The following LPAR3 variants were observed in gnomAD, a reference collection of about 807,000 sequenced individuals.
The protein encoded by LPAR3 is lysophosphatidic acid receptor 3.
Under a neutral mutation model 17.8 loss-of-function variants are expected in LPAR3, and 7 were observed. That is an observed-to-expected ratio of 0.39 (90% confidence interval 0.22 to 0.74). LPAR3 has a LOEUF of 0.74. Among genes scored for constraint, LPAR3 ranks in the 30% least tolerant of loss-of-function variants. LPAR3 has a pLI of 0.40. For missense variants in LPAR3, 391 were observed against 453.4 expected, an observed-to-expected ratio of 0.86 and a Z score of 1.25; for synonymous variants, 179 against 179.9, an observed-to-expected ratio of 0.99 and a Z score of 0.04.
intron 1 of LPAR3, among the ~76,000 whole-genome samples, chr1:84,870,422 A>G (rs1397362001): frequency 6.6e-6 from 1 of 152,234 alleles, no homozygotes. Flanking sequence ...TGAATGAATG[A>G]ATCTCTGTCT....
At chr1:84,883,565 C>G (rs2102773442) in intron 1 of LPAR3, among the ~76,000 whole-genome samples, 1 of 152,328 alleles carries the variant, frequency 6.6e-6, no homozygotes, top group East Asian at 1.9e-4. Flanking sequence ...CACTGATATA[C>G]TAGTGAACAA....
Position 84,813,158 on chromosome 1 carries a change from T to TATATATATAG in LPAR3, c.*687_*688insCTATATATAT, listed in dbSNP as rs1206774677. ...ATATATATATATATATATATATATA[T>TATATATATAG]AGACACACACACACACACACACACA... On this transcript the variant is annotated 3_prime_UTR_variant, in exon 3 of 3. Coordinates refer to ENST00000370611, the MANE Select transcript of LPAR3 (RefSeq NM_012152.3). 1 of 101,682 alleles carries TATATATATAG rather than the reference T, an allele frequency of 9.8e-6. No individual in the cohort carries two copies. Among genetic ancestry groups the TATATATATAG allele is most frequent in the African/African-American group, 3.7e-5 (1 of 27,156 alleles). 6.3% of individuals were successfully genotyped at this position (101,682 alleles called of 1,614,324 possible).
At chr1:84,840,540 A>G (rs1462076570) in intron 2 of LPAR3, among the ~76,000 whole-genome samples, 1 of 152,254 alleles carries the variant, frequency 6.6e-6, no homozygotes, top group Non-Finnish European at 1.5e-5. Context: ...TATCAGTCAG[A>G]GCCCACTTAC....
chr1:84,880,779 C>T (rs1660350607), intron 1 of LPAR3, among the ~76,000 whole-genome samples: 1 of 152,182 alleles, frequency 6.6e-6, no homozygotes, highest in African/African-American at 2.4e-5. Flanking sequence ...CGTTCATTCT[C>T]CCCCAAGGAG....
Position 84,866,150 on chromosome 1 carries a change from T to C in LPAR3, c.-18-12A>G. On this transcript the variant is annotated splice_polypyrimidine_tract_variant and intron_variant, in intron 1 of 2. Coordinates refer to ENST00000370611, the MANE Select transcript of LPAR3 (RefSeq NM_012152.3). ...GAGAAGTGAACATCCTAGAAAGAAATTTAAAGAAGAAACAAATATCATTTG... is the reference window on the plus strand; with the variant it reads ...GAGAAGTGAACATCCTAGAAAGAAACTTAAAGAAGAAACAAATATCATTTG... 6.5e-7 allele frequency: 1 copy of C among 1,532,274 alleles called. No individual in the cohort carries two copies. The highest frequency in any genetic ancestry group is 8.8e-7 in the Non-Finnish European group (1 of 1,140,156). The allele number at this position is 1,532,274 out of a possible 1,614,324, so 94.9% of individuals were successfully genotyped here.
chr1:84,866,845 T>C (rs1660060279), intron 1 of LPAR3, among the ~76,000 whole-genome samples: 1 of 152,186 alleles, frequency 6.6e-6, no homozygotes, highest in Admixed American at 6.5e-5. Flanking sequence ...ATATCTCCCT[T>C]CCTTACCTTT....
intron 2 of LPAR3, among the ~76,000 whole-genome samples, chr1:84,847,589 T>G (rs12088935): frequency 6.6e-6 from 1 of 152,178 alleles, no homozygotes; most frequent in African/African-American, 2.4e-5. Flanking sequence ...AAGACCCCCC[T>G]GTCCTCAGCT....
intron 1 of LPAR3, among the ~76,000 whole-genome samples, chr1:84,876,251 C>G (rs913800965): frequency 6.6e-6 from 1 of 152,078 alleles, no homozygotes; most frequent in Admixed American, 6.5e-5. Context: ...GTAGCCAGGT[C>G]GTGTAAATGA....
intron 2 of LPAR3, among the ~76,000 whole-genome samples, chr1:84,839,539 T>C (rs924446791): frequency 6.6e-6 from 1 of 152,122 alleles, no homozygotes; most frequent in African/African-American, 2.4e-5. Flanking sequence ...TTGGGCATGG[T>C]GCACATCTGT....
At chr1:84,852,028 C>T (rs1659723589) in intron 2 of LPAR3, among the ~76,000 whole-genome samples, 1 of 151,280 alleles carries the variant, frequency 6.6e-6, no homozygotes, top group Non-Finnish European at 1.5e-5. Context: ...TCTGAGACAC[C>T]ACTGAAGTAG....
At chr1:84,878,693 C>T (rs1031227637) in intron 1 of LPAR3, among the ~76,000 whole-genome samples, 2 of 152,180 alleles carry the variant, frequency 1.3e-5, no homozygotes, top group African/African-American at 4.8e-5. Flanking sequence ...AAAGTTTCAA[C>T]TTTAAACACC....
chr1:84,868,864 A>G (rs1011564290), intron 1 of LPAR3, among the ~76,000 whole-genome samples: 4 of 152,196 alleles, frequency 2.6e-5, no homozygotes. Context: ...TTAATTACCT[A>G]AAGTATTTTT....
At chr1:84,820,799 A>T (rs981093347) in intron 2 of LPAR3, among the ~76,000 whole-genome samples, 1 of 152,190 alleles carries the variant, frequency 6.6e-6, no homozygotes, top group Non-Finnish European at 1.5e-5. Context: ...CCTTGAAAAG[A>T]TTAAGAAAAT....
intron 2 of LPAR3, among the ~76,000 whole-genome samples, chr1:84,834,405 T>C (rs1426763663): frequency 1.3e-5 from 2 of 152,168 alleles, no homozygotes; most frequent in Non-Finnish European, 2.9e-5. Context: ...GGTAACCAGG[T>C]TGGAGACGAT....
intron 1 of LPAR3, among the ~76,000 whole-genome samples, chr1:84,873,135 A>T (rs6667405): frequency 0.017 from 2,625 of 152,322 alleles, 72 homozygotes; most frequent in African/African-American, 0.06. Flanking sequence ...AAATAGAATA[A>T]GGATCCTGGG....
intron 2 of LPAR3, among the ~76,000 whole-genome samples, chr1:84,861,727 G>C (rs34180618): frequency 8.0e-4 from 122 of 152,220 alleles, no homozygotes; most frequent in Non-Finnish European, 1.6e-3. Context: ...CTTCCACCAG[G>C]TTCCTCTGTC....
intron 2 of LPAR3, among the ~76,000 whole-genome samples, chr1:84,844,821 A>G (rs1161670501): frequency 6.6e-6 from 1 of 152,208 alleles, no homozygotes; most frequent in African/African-American, 2.4e-5. Flanking sequence ...ACCCCGCCAC[A>G]GTCTTTTATT....
chr1:84,873,984 C>T (rs193152835), intron 1 of LPAR3, among the ~76,000 whole-genome samples: 66 of 152,244 alleles, frequency 4.3e-4, no homozygotes, highest in African/African-American at 1.5e-3. Flanking sequence ...AACTCCTGAC[C>T]TCAAGTGATC....
At chr1:84,838,784 G>A (rs917854544) in intron 2 of LPAR3, among the ~76,000 whole-genome samples, 1 of 152,150 alleles carries the variant, frequency 6.6e-6, no homozygotes, top group Non-Finnish European at 1.5e-5. Flanking sequence ...AGCCGGACAG[G>A]CAGGTGTTCA....
Sources: gnomAD v4.1 joint callset for allele counts (sites outside exome capture counted in the v4.1 genomes callset) on GRCh38, gnomAD v4.1.1 for gene constraint, MANE v1.5 for transcripts, NCBI Gene and HGNC (gene_info 2026-07-23, HGNC 2026-07-21) for gene names.